The following ATRNL1 variants were observed in gnomAD, a reference collection of about 807,000 sequenced individuals.
The protein encoded by ATRNL1 is attractin like 1.
A neutral mutation model predicts 182.7 loss-of-function variants in ATRNL1; 95 were observed. The observed-to-expected ratio is 0.52, with a 90% CI of 0.44 to 0.62. The LOEUF (loss-of-function observed/expected upper bound fraction) is 0.62, where lower values mean the gene tolerates loss of function less well. ATRNL1 is among the 20% of genes least tolerant of loss of function. ATRNL1 has a pLI of 0.00. For missense variants in ATRNL1, 1,471 were observed against 1,679.5 expected, an observed-to-expected ratio of 0.88 and a Z score of 2.17; for synonymous variants, 576 against 568.3, an observed-to-expected ratio of 1.01 and a Z score of -0.19.
At chr10:115,368,814 A>C (rs376043338) in intron 19 of ATRNL1, among the ~76,000 whole-genome samples, 61 of 151,964 alleles carry the variant, frequency 4.0e-4, no homozygotes, top group African/African-American at 1.2e-3. Flanking sequence ...CCTGGGTTCA[A>C]GTGATTCTCC....
intron 26 of ATRNL1, among the ~76,000 whole-genome samples, chr10:115,665,103 G>A (rs1860924170): frequency 1.3e-5 from 2 of 152,118 alleles, no homozygotes; most frequent in South Asian, 4.2e-4. Flanking sequence ...TACAGAGAAT[G>A]TAGTTCAATA....
chr10:115,814,475 T>G, intron 27 of ATRNL1, among the ~76,000 whole-genome samples: 1 of 152,216 alleles, frequency 6.6e-6, no homozygotes, highest in East Asian at 1.9e-4. Context: ...AAAGCAAAAG[T>G]TTAAATTTTG....
At chr10:115,879,021 A>G (rs532786543) in intron 28 of ATRNL1, among the ~76,000 whole-genome samples, 1 of 151,922 alleles carries the variant, frequency 6.6e-6, no homozygotes, top group East Asian at 2.0e-4. Flanking sequence ...AGGTAGTGTT[A>G]AAAAGGTTTA....
At chr10:115,738,126 A>T (rs2532707) in intron 27 of ATRNL1, among the ~76,000 whole-genome samples, 9,490 of 47,230 alleles carry the variant, frequency 0.2, 574 homozygotes, top group South Asian at 0.3. Flanking sequence ...GAAGATAATG[A>T]TTTTTTTTTT....
At chr10:115,422,809 C>G (rs973835353) in intron 20 of ATRNL1, among the ~76,000 whole-genome samples, 16 of 152,136 alleles carry the variant, frequency 1.1e-4, no homozygotes, top group South Asian at 2.1e-4. Context: ...TTAGTTGGAG[C>G]TAAACATTTT....
intron 6 of ATRNL1, among the ~76,000 whole-genome samples, chr10:115,162,406 C>G (rs1192662688): frequency 6.6e-6 from 1 of 151,920 alleles, no homozygotes; most frequent in South Asian, 2.1e-4. Flanking sequence ...AGATCAAAGA[C>G]TTAAGATAGG....
intron 26 of ATRNL1, among the ~76,000 whole-genome samples, chr10:115,726,646 A>C (rs893488342): frequency 1.3e-5 from 2 of 152,214 alleles, no homozygotes; most frequent in African/African-American, 2.4e-5. Context: ...CAATTTCTGC[A>C]CCTTACTAAT....
intron 26 of ATRNL1, among the ~76,000 whole-genome samples, chr10:115,613,586 T>A (rs1424106734): frequency 1.3e-5 from 2 of 152,162 alleles, no homozygotes; most frequent in African/African-American, 4.8e-5. Context: ...TTTGGAATAA[T>A]TAGAGAAGAA....
intron 26 of ATRNL1, among the ~76,000 whole-genome samples, chr10:115,707,037 A>G (rs1946920607): frequency 6.6e-6 from 1 of 151,904 alleles, no homozygotes; most frequent in African/African-American, 2.4e-5. Flanking sequence ...ACTTATATAC[A>G]GGATTTTTCC....
At chr10:115,881,100 GCTCT>G (rs1565457796) in intron 28 of ATRNL1, among the ~76,000 whole-genome samples, 1 of 152,184 alleles carries the variant, frequency 6.6e-6, no homozygotes, top group African/African-American at 2.4e-5. Context: ...GGGACTTCAG[GCTCT>G]CTCTATGAAG....
chr10:115,567,172 A>G (rs1555002141), intron 26 of ATRNL1, among the ~76,000 whole-genome samples: 1 of 152,116 alleles, frequency 6.6e-6, no homozygotes. Flanking sequence ...TTGAGTGTAG[A>G]ATCTTATGGT....
At chr10:115,312,818 T>C (rs1468710340) in intron 17 of ATRNL1, among the ~76,000 whole-genome samples, 3 of 152,094 alleles carry the variant, frequency 2.0e-5, no homozygotes, top group African/African-American at 7.2e-5. Context: ...TTATTTTTTC[T>C]TTATTTTTGT....
At chr10:115,845,262 A>G (rs908004086) in intron 27 of ATRNL1, among the ~76,000 whole-genome samples, 2 of 152,206 alleles carry the variant, frequency 1.3e-5, no homozygotes, top group Admixed American at 6.6e-5. Flanking sequence ...TATATAGCTT[A>G]TCAATATACA....
chr10:115,499,098 A>G (rs1554979279), intron 24 of ATRNL1, among the ~76,000 whole-genome samples: 1 of 152,174 alleles, frequency 6.6e-6, no homozygotes, highest in African/African-American at 2.4e-5. Context: ...AAGAAATCTC[A>G]TAAATATGCA....
chr10:115,722,415 C>G (rs1202419990), intron 26 of ATRNL1, among the ~76,000 whole-genome samples: 1 of 152,190 alleles, frequency 6.6e-6, no homozygotes, highest in Admixed American at 6.5e-5. Context: ...GAACCTTGTG[C>G]CTTGAAGATT....
intron 27 of ATRNL1, among the ~76,000 whole-genome samples, chr10:115,789,584 G>T (rs1253499702): frequency 6.6e-6 from 1 of 152,194 alleles, no homozygotes; most frequent in Non-Finnish European, 1.5e-5. Flanking sequence ...TTAGGTCAGA[G>T]TTTCCAAGAA....
At chr10:115,645,382 C>T (rs1377552642) in intron 26 of ATRNL1, among the ~76,000 whole-genome samples, 1 of 148,722 alleles carries the variant, frequency 6.7e-6, no homozygotes, top group African/African-American at 2.5e-5. Flanking sequence ...CCTTGTTCCT[C>T]CTCTACACTG....
intron 19 of ATRNL1, among the ~76,000 whole-genome samples, chr10:115,384,907 A>T (rs1858247896): frequency 6.7e-6 from 1 of 148,288 alleles, no homozygotes. Context: ...CATTTTGTTT[A>T]TTCCATCACA....
intron 25 of ATRNL1, among the ~76,000 whole-genome samples, chr10:115,526,755 T>C (rs1322297834): frequency 6.6e-6 from 1 of 152,116 alleles, no homozygotes; most frequent in Non-Finnish European, 1.5e-5. Flanking sequence ...GGGGAACTTC[T>C]GTGAGGGGAA....
Sources: allele counts gnomAD v4.1 joint callset (sites outside exome capture counted in the v4.1 genomes callset), GRCh38; gene constraint gnomAD v4.1.1; transcripts MANE v1.5; gene names NCBI Gene and HGNC (gene_info 2026-07-23, HGNC 2026-07-21).